SPRY3: variants seen among roughly 807,000 people sequenced by gnomAD.
SPRY3 encodes sprouty RTK signaling antagonist 3, also known as protein sprouty homolog 3.
In SPRY3, 15 loss-of-function variants were observed where a neutral mutation model predicts 20.2. That is an observed-to-expected ratio of 0.74 (90% CI 0.50 to 1.14). SPRY3 has a LOEUF of 1.14. Among genes scored for constraint, SPRY3 ranks in the 50% most tolerant of loss-of-function variants. The pLI is 0.00. For missense variants in SPRY3, 364 were observed against 363.9 expected (o/e 1.00, Z 0.00); for synonymous variants, 143 against 136.5 (o/e 1.05, Z -0.33).
At chrX:155,748,600 T>A (rs1383275521) in intron 2 of SPRY3, among the ~76,000 whole-genome samples, 1 of 151,688 alleles carries the variant, frequency 6.6e-6, no homozygotes, top group Non-Finnish European at 1.5e-5. Context: ...ATAAATGATG[T>A]TTGCTCCAAG....
At chrX:155,730,243 C>G (rs2091124336) in intron 2 of SPRY3, among the ~76,000 whole-genome samples, 1 of 152,100 alleles carries the variant, frequency 6.6e-6, no homozygotes, top group African/African-American at 2.4e-5. Context: ...GAAAAGAAAA[C>G]TACAGGCCAA....
At chrX:155,675,159 T>C (rs1309690510) in intron 2 of SPRY3, among the ~76,000 whole-genome samples, 1 of 112,046 alleles carries the variant, frequency 8.9e-6, no homozygotes, top group Non-Finnish European at 1.9e-5. Flanking sequence ...TCCAGATAGA[T>C]GCACTATGTA....
chrX:155,657,784 C>CA (rs2067996776), intron 2 of SPRY3, among the ~76,000 whole-genome samples: 1 of 112,071 alleles, frequency 8.9e-6, no homozygotes, highest in East Asian at 2.8e-4. Context: ...CTGCAGATTG[C>CA]AAAAACCGTG....
Position 155,665,696 on chromosome X carries a change from G to A in SPRY3, c.-282+8671G>A, listed in dbSNP as rs781991651. ...ATGGATACGTACACATTTAGTGAAA[G>A]TACAAAAACAAGTATTGGGATGATA... On this transcript the variant is annotated intron_variant, in intron 2 of 3. Coordinates refer to ENST00000675360, the Ensembl canonical transcript of SPRY3. 3.6e-3 allele frequency among the ~76,000 whole-genome samples: 397 copies of A among 111,632 alleles called. 5 individuals are homozygous for A. The highest frequency in any genetic ancestry group is 0.012 in the African/African-American group (378 of 30,844).
intron 2 of SPRY3, among the ~76,000 whole-genome samples, chrX:155,767,593 GGGA>G: frequency 6.7e-6 from 1 of 149,678 alleles, no homozygotes; most frequent in African/African-American, 2.5e-5. Context: ...AAGGGGAGGA[GGGA>G]AAGGGGAGGG....
chrX:155,663,793 CT>C (rs1557353980), intron 2 of SPRY3, among the ~76,000 whole-genome samples: 1 of 110,698 alleles, frequency 9.0e-6, no homozygotes, highest in Non-Finnish European at 1.9e-5. Context: ...TTGAAAACCA[CT>C]AGAATCAAGA....
chrX:155,624,548 CT>C (rs1557349772), intron 1 of SPRY3, among the ~76,000 whole-genome samples: 1 of 109,688 alleles, frequency 9.1e-6, no homozygotes, highest in East Asian at 2.8e-4. Flanking sequence ...ATCTATCTAT[CT>C]ATCTATCTAT....
chrX:155,774,790 A>G, exon 4 of SPRY3: 1 of 1,560,286 alleles, frequency 6.4e-7, no homozygotes, highest in South Asian at 1.2e-5. Context: ...CCCAACAGCA[A>G]AGCATAGGCC....
intron 2 of SPRY3, among the ~76,000 whole-genome samples, chrX:155,739,049 G>A (rs1437391613): frequency 1.3e-5 from 2 of 152,200 alleles, no homozygotes; most frequent in Admixed American, 6.5e-5. Flanking sequence ...GAGATGGATT[G>A]AGTTCCTGGG....
intron 2 of SPRY3, among the ~76,000 whole-genome samples, chrX:155,710,087 G>C (rs2090976023): frequency 6.6e-6 from 1 of 151,636 alleles, no homozygotes; most frequent in South Asian, 2.1e-4. Flanking sequence ...TTTGAAGTCA[G>C]GTAATATAAT....
At chrX:155,638,003 T>G (rs1219882216) in intron 1 of SPRY3, among the ~76,000 whole-genome samples, 3 of 107,193 alleles carry the variant, frequency 2.8e-5, no homozygotes, top group Non-Finnish European at 5.8e-5. Flanking sequence ...ATTTAGCCAT[T>G]TTCATGGGTG....
At chrX:155,707,035 T>G (rs1298522311) in intron 2 of SPRY3, among the ~76,000 whole-genome samples, 1 of 151,132 alleles carries the variant, frequency 6.6e-6, no homozygotes, top group African/African-American at 2.4e-5. Flanking sequence ...TTTCCTTGCT[T>G]TAGGTTTAAT....
Position 155,703,594 on chromosome X carries a change from G to T in SPRY3, c.-282+46569G>T, listed in dbSNP as rs1410721435. On this transcript the variant is annotated intron_variant, in intron 2 of 3. Coordinates refer to ENST00000675360, the Ensembl canonical transcript of SPRY3. ...CCTGGATTCATTGATTTTTTGAAGGGTTTTTTGTGTCTCTATTTCCTTGAG... is the reference window on the plus strand; with the variant it reads ...CCTGGATTCATTGATTTTTTGAAGGTTTTTTTGTGTCTCTATTTCCTTGAG... Among the ~76,000 whole-genome samples, 4 of 125,754 alleles carry T rather than the reference G, an allele frequency of 3.2e-5. No individual in the cohort carries two copies. The East Asian group carries it at 6.9e-4, about 22-fold the overall frequency. The allele number at this position is 125,754 out of a possible 152,430, so 82.5% of individuals were successfully genotyped here. A position where few individuals can be genotyped will look rare whatever the true frequency, so the allele number is the denominator to read the frequency against.
At chrX:155,716,161 T>A (rs751609062) in intron 2 of SPRY3, among the ~76,000 whole-genome samples, 2 of 152,216 alleles carry the variant, frequency 1.3e-5, no homozygotes, top group Admixed American at 1.3e-4. Flanking sequence ...TGCCCCTGCT[T>A]TAATCTTTTT....
chrX:155,774,206 T>C lies in SPRY3; in HGVS notation c.335T>C (p.Ile112Thr), dbSNP rs776099482. 21 of 1,613,866 alleles carry C rather than the reference T, an allele frequency of 1.3e-5. No individual in the cohort carries two copies. In the Admixed American group the frequency reaches 3.3e-4, roughly 26 times the overall value. The stretch of plus-strand genomic sequence containing the variant: ...ACACCCTCACCTTCAGGCCAATCCA[T>C]CATCCGAACCCAACCTGGAGCAGGG... The change falls in exon 4 of 4, where the codon ATC becomes ACC. Residue 112 changes from isoleucine (I) to threonine (T), a missense_variant. Physicochemically the swap from Ile to Thr is moderately conservative, Grantham distance 89 (BLOSUM62 -1). Coordinates refer to ENST00000675360, the Ensembl canonical transcript of SPRY3.
chrX:155,744,095 A>C (rs1180173786), intron 2 of SPRY3, among the ~76,000 whole-genome samples: 1 of 151,944 alleles, frequency 6.6e-6, no homozygotes, highest in Non-Finnish European at 1.5e-5. Context: ...ACAGTCTAAG[A>C]CTCAAGGCAT....
intron 2 of SPRY3, among the ~76,000 whole-genome samples, chrX:155,761,066 A>ATAAC (rs925191533): frequency 6.6e-6 from 1 of 152,014 alleles, no homozygotes; most frequent in African/African-American, 2.4e-5. Flanking sequence ...TTGAAATCTT[A>ATAAC]TAACTCTGCC....
intron 2 of SPRY3, among the ~76,000 whole-genome samples, chrX:155,703,696 A>C (rs954369223): frequency 2.0e-5 from 3 of 146,692 alleles, no homozygotes; most frequent in Non-Finnish European, 3.0e-5. Flanking sequence ...TAGTTCTTTT[A>C]ATTGTGATGT....
intron 1 of SPRY3, among the ~76,000 whole-genome samples, chrX:155,622,303 C>T (rs1444021495): frequency 1.8e-5 from 2 of 112,137 alleles, no homozygotes; most frequent in African/African-American, 6.5e-5. Flanking sequence ...GTATTGAAAA[C>T]AAACCACTAC....
Sources: gnomAD v4.1 joint callset for allele counts (sites outside exome capture counted in the v4.1 genomes callset) on GRCh38, gnomAD v4.1.1 for gene constraint, MANE v1.5 for transcripts, NCBI Gene and HGNC (gene_info 2026-07-23, HGNC 2026-07-21) for gene names.